Variants in RPA1 observed in about 807,000 individuals in gnomAD.
RPA1 encodes replication protein A1, also known as replication protein A 70 kDa DNA-binding subunit.
Under a neutral mutation model 83.0 loss-of-function variants are expected in RPA1, and 49 were observed. The observed-to-expected ratio is 0.59, with a 90% confidence interval of 0.47 to 0.75. The LOEUF (loss-of-function observed/expected upper bound fraction) is 0.75. RPA1 is among the 30% of genes least tolerant of loss of function. RPA1 has a pLI of 0.00. For synonymous variants in RPA1, 279 were observed against 281.8 expected, an observed-to-expected ratio of 0.99 and a Z score of 0.10; for missense variants, 693 against 776.1, an observed-to-expected ratio of 0.89 and a Z score of 1.27.
chr17:1,870,714 ATT>A (rs1913346998), intron 5 of RPA1, among the ~76,000 whole-genome samples: 1 of 152,186 alleles, frequency 6.6e-6, no homozygotes, highest in East Asian at 1.9e-4. Flanking sequence ...ATTTAGCTAC[ATT>A]TTTATAGAAA....
intron 14 of RPA1, chr17:1,891,587 T>C (rs965067266): frequency 1.8e-5 from 4 of 219,904 alleles, no homozygotes; most frequent in Admixed American, 1.1e-4. Context: ...GCCTGGCTAA[T>C]TTTTGTATTT....
At chr17:1,840,002 A>G (rs1047550011) in intron 1 of RPA1, among the ~76,000 whole-genome samples, 8 of 151,788 alleles carry the variant, frequency 5.3e-5, no homozygotes, top group African/African-American at 1.5e-4. Flanking sequence ...CATGTTGGCC[A>G]GGTTGGTCTC....
In RPA1 at chr17:1,884,655, A is replaced by G. The variant is rs148189455; in HGVS notation, c.1374+711A>G. Among the ~76,000 whole-genome samples, 1,416 of 152,242 alleles carry G rather than the reference A, an allele frequency of 9.3e-3. 20 individuals are homozygous for G. The highest frequency in any genetic ancestry group is 0.032 in the African/African-American group (1,345 of 41,522). ...TGTATACCCTTATCCATCATTGTCA[A>G]CAGCAGCTCTTAAGTGCTCTTATAG... is the stretch of plus-strand genomic sequence containing the variant. On this transcript the variant is annotated intron_variant, in intron 13 of 16. Coordinates refer to ENST00000254719, the MANE Select transcript of RPA1 (RefSeq NM_002945.5). The surrounding 1 kb of genome is among the most constrained non-coding windows in gnomAD (Gnocchi z 4.1).
chr17:1,875,823 T>G (rs1488064170), intron 7 of RPA1, 30 bp downstream of exon 7: 1 of 1,586,780 alleles, frequency 6.3e-7, no homozygotes, highest in Admixed American at 1.8e-5. Flanking sequence ...AAGTTCAGAG[T>G]GTACTTATGA....
intron 6 of RPA1, among the ~76,000 whole-genome samples, chr17:1,873,831 A>G (rs1567818430): frequency 1.3e-5 from 2 of 151,488 alleles, no homozygotes; most frequent in Non-Finnish European, 1.5e-5. Flanking sequence ...CATCTCTACT[A>G]AAAGTACAAA....
chr17:1,836,381 A>T (rs1911822893), intron 1 of RPA1, among the ~76,000 whole-genome samples: 1 of 152,140 alleles, frequency 6.6e-6, no homozygotes, highest in African/African-American at 2.4e-5. Context: ...AAGTGCTGGG[A>T]TTACAGGCAT....
chr17:1,862,717 C>CT (rs71150827), intron 5 of RPA1, among the ~76,000 whole-genome samples: 31,459 of 51,658 alleles, frequency 0.61, 11,574 homozygotes, highest in Non-Finnish European at 0.7. Flanking sequence ...CTGTGCCCAG[C>CT]TTTTTTTTTT....
chr17:1,893,241 G>T (rs1446590996), intron 15 of RPA1, among the ~76,000 whole-genome samples: 1 of 152,202 alleles, frequency 6.6e-6, no homozygotes, highest in Admixed American at 6.5e-5. Flanking sequence ...TAAGGCCCGA[G>T]TAAGCCTTTC....
At chr17:1,864,577 TC>T in intron 5 of RPA1, among the ~76,000 whole-genome samples, 1 of 151,878 alleles carries the variant, frequency 6.6e-6, no homozygotes, top group Non-Finnish European at 1.5e-5. Context: ...ACAACATAGT[TC>T]TTCAATTAGT....
chr17:1,895,659 G>GTTTTATTTATT (rs1555596984), intron 16 of RPA1, among the ~76,000 whole-genome samples: 14 of 141,812 alleles, frequency 9.9e-5, no homozygotes, highest in South Asian at 2.3e-4. Flanking sequence ...ATACCATATA[G>GTTTTATTTATT]TATTTATTTA....
chr17:1,834,108 A>G, intron 1 of RPA1, among the ~76,000 whole-genome samples: 1 of 152,190 alleles, frequency 6.6e-6, no homozygotes, highest in Non-Finnish European at 1.5e-5. Flanking sequence ...TGAACCCGTG[A>G]GGCAGAGGTT....
rs1913908690 is a variant in RPA1 at position 1,884,109 on chromosome 17, C to T, written c.1374+165C>T. On this transcript the variant is annotated intron_variant, in intron 13 of 16. Transcript: ENST00000254719. The surrounding 1 kb of genome is among the most constrained non-coding windows in gnomAD (Gnocchi z 4.1). ...AGAATCACTGGCAGAGGGAAGCAGC[C>T]AGGTGTGCTCATGGGAATATGTGTT... 6.6e-6 allele frequency among the ~76,000 whole-genome samples: 1 copy of T among 152,126 alleles called. No individual in the cohort carries two copies.
chr17:1,864,883 G>C (rs1446811232), intron 5 of RPA1, among the ~76,000 whole-genome samples: 1 of 152,206 alleles, frequency 6.6e-6, no homozygotes, highest in Non-Finnish European at 1.5e-5. Flanking sequence ...CTGGGCGACA[G>C]AGTGAGACTT....
chr17:1,839,108 G>A (rs764121101), intron 1 of RPA1, among the ~76,000 whole-genome samples: 2 of 151,920 alleles, frequency 1.3e-5, no homozygotes, highest in Non-Finnish European at 2.9e-5. Context: ...CACCTGCCTC[G>A]GCCTCCCAAA....
At chr17:1,867,486 C>T (rs1234063986) in intron 5 of RPA1, among the ~76,000 whole-genome samples, 8 of 151,980 alleles carry the variant, frequency 5.3e-5, no homozygotes, top group Non-Finnish European at 8.8e-5. Flanking sequence ...GCAGGAGGAT[C>T]GCTGGAGACC....
chr17:1,837,839 C>T (rs1269691369), intron 1 of RPA1, among the ~76,000 whole-genome samples: 2 of 152,116 alleles, frequency 1.3e-5, no homozygotes, highest in Non-Finnish European at 2.9e-5. Flanking sequence ...ATAAATATTA[C>T]ATATATTTTT....
intron 12 of RPA1, among the ~76,000 whole-genome samples, chr17:1,881,233 C>G (rs1373432293): frequency 6.6e-6 from 1 of 152,154 alleles, no homozygotes; most frequent in Non-Finnish European, 1.5e-5. Flanking sequence ...TTAGGACATT[C>G]AAACTCTGTC....
At chr17:1,841,317 A>G (rs2151269813) in intron 1 of RPA1, among the ~76,000 whole-genome samples, 1 of 152,068 alleles carries the variant, frequency 6.6e-6, no homozygotes, top group East Asian at 1.9e-4. Context: ...TTTATTTTTT[A>G]TTTTGAGAGG....
At position 1,897,204 on chromosome 17, in the gene RPA1, T is replaced by G; in HGVS notation, c.*29T>G. ...GAGCAGTGCCAATCGGGCAGAAGTT[T>G]GCAAATAGGCAGAATGGAATCGATT... On this transcript the variant is annotated 3_prime_UTR_variant, in exon 17 of 17. Transcript: ENST00000254719. 6.7e-7 allele frequency: 1 copy of G among 1,493,306 alleles called. No homozygotes were observed. Among genetic ancestry groups the G allele is most frequent in the Non-Finnish European group, 9.1e-7 (1 of 1,098,692 alleles). 92.5% of individuals were successfully genotyped at this position (1,493,306 alleles called of 1,614,324 possible).
Sources: gnomAD v4.1 joint callset for allele counts (sites outside exome capture counted in the v4.1 genomes callset) on GRCh38, gnomAD v4.1.1 for gene constraint, Gnocchi (gnomAD v3.1) non-coding constraint, MANE v1.5 for transcripts, NCBI Gene and HGNC (gene_info 2026-07-23, HGNC 2026-07-21) for gene names.